SLC38A9: variants seen among roughly 807,000 people sequenced by gnomAD.
SLC38A9 encodes neutral amino acid transporter 9.
Under a neutral mutation model 62.3 loss-of-function variants are expected in SLC38A9, and 48 were observed. The observed-to-expected ratio is 0.77, with a 90% CI of 0.61 to 0.98. SLC38A9 has a LOEUF of 0.98. Among genes scored for constraint, SLC38A9 ranks in the 50% least tolerant of loss-of-function variants. SLC38A9 has a pLI of 0.00. For missense variants in SLC38A9, 541 were observed against 679.8 expected, an observed-to-expected ratio of 0.80 and a Z score of 2.27; for synonymous variants, 204 against 227.7, an observed-to-expected ratio of 0.90 and a Z score of 0.94.
chr5:55,677,892 G>A (rs1752342052), intron 3 of SLC38A9, among the ~76,000 whole-genome samples: 1 of 129,684 alleles, frequency 7.7e-6, no homozygotes, highest in Admixed American at 8.2e-5. Flanking sequence ...ACCTTCTGAG[G>A]GGTCCCTCTA....
chr5:55,690,219 C>T (rs936586779), intron 3 of SLC38A9, among the ~76,000 whole-genome samples: 5 of 152,002 alleles, frequency 3.3e-5, no homozygotes, highest in East Asian at 1.9e-4. Flanking sequence ...CTCAAACTCC[C>T]GGCCTCAAGC....
chr5:55,665,293 C>A (rs1750273730), intron 7 of SLC38A9, among the ~76,000 whole-genome samples: 2 of 151,978 alleles, frequency 1.3e-5, no homozygotes, highest in Admixed American at 6.6e-5. Context: ...TGTCTGTAAT[C>A]CCAGCACGTT....
intron 3 of SLC38A9, among the ~76,000 whole-genome samples, chr5:55,694,963 A>G (rs1285162389): frequency 2.0e-5 from 3 of 152,084 alleles, no homozygotes; most frequent in African/African-American, 7.2e-5. Flanking sequence ...ATGTTGGCCA[A>G]GCTAGTCTGG....
intron 2 of SLC38A9, among the ~76,000 whole-genome samples, chr5:55,705,843 G>A (rs1757225587): frequency 1.3e-5 from 2 of 152,048 alleles, no homozygotes; most frequent in Non-Finnish European, 2.9e-5. Flanking sequence ...GAGTAGCTGG[G>A]ACTACAGGTG....
intron 9 of SLC38A9, among the ~76,000 whole-genome samples, chr5:55,653,767 TCCTA>T (rs1226359997): frequency 6.6e-6 from 1 of 152,158 alleles, no homozygotes; most frequent in Non-Finnish European, 1.5e-5. Flanking sequence ...CAAGTGATTC[TCCTA>T]CCTCAGCCTC....
At chr5:55,658,287 G>C (rs922670033) in intron 8 of SLC38A9, among the ~76,000 whole-genome samples, 4 of 152,090 alleles carry the variant, frequency 2.6e-5, no homozygotes, top group Non-Finnish European at 5.9e-5. Context: ...CCGAGTAGCT[G>C]GGATTACAGG....
chr5:55,649,620 G>C (rs1026672229), intron 10 of SLC38A9, among the ~76,000 whole-genome samples: 5 of 152,126 alleles, frequency 3.3e-5, no homozygotes, highest in Non-Finnish European at 7.3e-5. Flanking sequence ...TCAGGAGTTC[G>C]AGACCAAACC....
chr5:55,697,911 T>C lies in SLC38A9; in HGVS notation c.48A>G (p.Val16=), dbSNP rs1445819786. ...SDSRHLGTSE[V]DHERDPGPMN... is the part of the protein sequence containing the mutation. Reference sequence around the variant, plus strand: ...TAGGTCCAGGATCTCTTTCATGATCTACCTCAGAGGTGCCAAGATGCCTAG... The same window carrying C: ...TAGGTCCAGGATCTCTTTCATGATCCACCTCAGAGGTGCCAAGATGCCTAG... Residue 16 remains valine (V), a synonymous_variant, in exon 3 of 16, where the codon GTA becomes GTG. Coordinates refer to ENST00000396865, the MANE Select transcript of SLC38A9 (RefSeq NM_173514.4). 1 of 1,604,858 alleles carries C rather than the reference T, an allele frequency of 6.2e-7. No individual in the cohort carries two copies. The highest frequency in any genetic ancestry group is 2.3e-5 in the East Asian group (1 of 44,346).
rs1752557817 is a variant in SLC38A9, at chr5:55,678,647, T to TG, written c.114-5953_114-5952insC. Among the ~76,000 whole-genome samples, 2 of 55,568 alleles carry TG rather than the reference T, an allele frequency of 3.6e-5. 1 individual carries two copies. The highest frequency in any genetic ancestry group is 6.1e-5 in the Non-Finnish European group (2 of 32,832). The allele number at this position is 55,568 out of a possible 152,430, so 36.5% of individuals were successfully genotyped here. A position where few individuals can be genotyped will look rare whatever the true frequency, so the allele number is the denominator to read the frequency against. ...TTGTTGGATAAGACTGAAATGAACT[T>TG]TTTTTTTTTTTTTTTTTTTTTTTTT... On this transcript the variant is annotated intron_variant, in intron 3 of 15. Coordinates refer to ENST00000396865, the MANE Select transcript of SLC38A9 (RefSeq NM_173514.4).
At chr5:55,651,248 CTTT>C (rs1157691760) in intron 10 of SLC38A9, among the ~76,000 whole-genome samples, 3 of 117,612 alleles carry the variant, frequency 2.6e-5, no homozygotes, top group African/African-American at 3.3e-5. Context: ...CTTTTGCCAT[CTTT>C]TTTTTTTTTT....
chr5:55,697,393 T>G (rs958226323), intron 3 of SLC38A9, among the ~76,000 whole-genome samples: 1 of 152,208 alleles, frequency 6.6e-6, no homozygotes, highest in Non-Finnish European at 1.5e-5. Flanking sequence ...CTGTTTATAA[T>G]TTTTTTGTGG....
intron 3 of SLC38A9, chr5:55,691,426 T>C (rs1754723580): frequency 8.9e-7 from 1 of 1,121,616 alleles, no homozygotes; most frequent in Non-Finnish European, 1.1e-6. Flanking sequence ...GAGAAGGATA[T>C]GAAATCCCTA....
chr5:55,628,351 A>C (rs1403369794), intron 14 of SLC38A9, among the ~76,000 whole-genome samples: 1 of 152,192 alleles, frequency 6.6e-6, no homozygotes, highest in Non-Finnish European at 1.5e-5. Context: ...TAGCAAGACA[A>C]TAATTTACTT....
At position 55,672,547 on chromosome 5, in the gene SLC38A9, A is replaced by G. The variant is rs377253196; in HGVS notation, c.246+16T>C. 3 of 1,612,150 alleles carry G rather than the reference A, an allele frequency of 1.9e-6. No homozygotes were observed. Among genetic ancestry groups the G allele is most frequent in the Non-Finnish European group, 2.5e-6 (3 of 1,179,368 alleles). On this transcript the variant is annotated intron_variant, in intron 4 of 15. Transcript: ENST00000396865. ...TCAACTGAATTTTAGACTATTAGTA[A>G]TGTTTTGTCTCTTACCAGTGCCTTG...
chr5:55,678,645 CTTTTTTT>C (rs869297949), intron 3 of SLC38A9, among the ~76,000 whole-genome samples: 5 of 45,832 alleles, frequency 1.1e-4, no homozygotes, highest in South Asian at 9.5e-4. Flanking sequence ...CTGAAATGAA[CTTTTTTT>C]TTTTTTTTTT....
intron 2 of SLC38A9, among the ~76,000 whole-genome samples, chr5:55,701,327 G>A (rs1756619220): frequency 6.6e-6 from 1 of 152,074 alleles, no homozygotes; most frequent in African/African-American, 2.4e-5. Context: ...TGTCCAAAAT[G>A]GAATTTCTGA....
intron 3 of SLC38A9, among the ~76,000 whole-genome samples, chr5:55,679,493 T>C (rs1752692480): frequency 6.6e-6 from 1 of 152,174 alleles, no homozygotes; most frequent in Non-Finnish European, 1.5e-5. Flanking sequence ...TCTTAAATTT[T>C]GGTTTTAAAA....
chr5:55,691,394 C>A, intron 3 of SLC38A9: 1 of 1,342,632 alleles, frequency 7.4e-7, no homozygotes, highest in East Asian at 2.7e-5. Context: ...GAATTCCTGC[C>A]CTGGGTAATA....
chr5:55,662,402 T>C (rs1749736655), intron 8 of SLC38A9, among the ~76,000 whole-genome samples: 2 of 152,182 alleles, frequency 1.3e-5, no homozygotes, highest in Admixed American at 6.5e-5. Flanking sequence ...CCAGGTGCCA[T>C]GGCTCACACC....
Sources: allele counts gnomAD v4.1 joint callset (sites outside exome capture counted in the v4.1 genomes callset), GRCh38; gene constraint gnomAD v4.1.1; transcripts MANE v1.5; gene names NCBI Gene and HGNC (gene_info 2026-07-23, HGNC 2026-07-21).